TPRG1: variants seen among roughly 807,000 people sequenced by gnomAD.
TPRG1 encodes the protein tumor protein p63 regulated 1.
Under a neutral mutation model 29.3 loss-of-function variants are expected in TPRG1, and 29 were observed. That is an observed-to-expected ratio of 0.99 (90% CI 0.74 to 1.35). TPRG1 has a LOEUF of 1.35. Ranked by LOEUF, TPRG1 falls within the 40% of genes most tolerant of loss-of-function variation. TPRG1 has a pLI of 0.00. For synonymous variants in TPRG1, 130 were observed against 116.8 expected, an observed-to-expected ratio of 1.11 and a Z score of -0.73; for missense variants, 327 against 335.0, an observed-to-expected ratio of 0.98 and a Z score of 0.19.
chr3:189,099,782 C>T (rs1044454366), upstream of TPRG1, among the ~76,000 whole-genome samples: 2 of 152,176 alleles, frequency 1.3e-5, no homozygotes, highest in Non-Finnish European at 2.9e-5. Flanking sequence ...CCCGGGAAAA[C>T]GATACTGTCC....
intron 3 of TPRG1, among the ~76,000 whole-genome samples, chr3:189,140,830 C>T (rs745423985): frequency 6.6e-6 from 1 of 152,060 alleles, no homozygotes; most frequent in Non-Finnish European, 1.5e-5. Context: ...GTTTTGCATC[C>T]CCTTCCTAGG....
intron 4 of TPRG1, among the ~76,000 whole-genome samples, chr3:189,056,546 C>T (rs75315604): frequency 0.03 from 4,619 of 152,288 alleles, 98 homozygotes; most frequent in Non-Finnish European, 0.048. Context: ...TCAAAGTAAT[C>T]AATCTCTCCA....
intron 5 of TPRG1, among the ~76,000 whole-genome samples, chr3:189,158,463 G>A (rs753952070): frequency 5.9e-5 from 9 of 151,910 alleles, no homozygotes; most frequent in Non-Finnish European, 1.2e-4. Flanking sequence ...ACAAAAATTC[G>A]CCAGGCGTGG....
intron 1 of TPRG1, among the ~76,000 whole-genome samples, chr3:189,192,265 G>A (rs1731809110): frequency 6.6e-6 from 1 of 152,202 alleles, no homozygotes; most frequent in Non-Finnish European, 1.5e-5. Flanking sequence ...TGAAGAGAGA[G>A]ACTCTCTTAG....
At chr3:189,022,684 T>C (rs540652047) in intron 3 of TPRG1, among the ~76,000 whole-genome samples, 2 of 152,348 alleles carry the variant, frequency 1.3e-5, no homozygotes, top group African/African-American at 4.8e-5. Flanking sequence ...GCTGTCTTTT[T>C]GTCTATGCCC....
intron 4 of TPRG1, among the ~76,000 whole-genome samples, chr3:189,303,262 T>C (rs768511458): frequency 1.8e-4 from 27 of 152,190 alleles, no homozygotes; most frequent in Non-Finnish European, 3.8e-4. Flanking sequence ...ATTTTTAATA[T>C]AAGAAAATAA....
intron 1 of TPRG1, among the ~76,000 whole-genome samples, chr3:189,182,523 A>G (rs1246002857): frequency 6.6e-6 from 1 of 152,214 alleles, no homozygotes; most frequent in Admixed American, 6.5e-5. Flanking sequence ...TTAAATTGGT[A>G]TAACATTAGA....
At chr3:189,229,875 A>G (rs954925590) in intron 3 of TPRG1, among the ~76,000 whole-genome samples, 1 of 152,192 alleles carries the variant, frequency 6.6e-6, no homozygotes, top group African/African-American at 2.4e-5. Flanking sequence ...GCTGTAACGA[A>G]CATACTACAG....
In TPRG1 at chr3:189,179,260, A is replaced by G. The variant is rs2108687933; in HGVS notation, c.-10+7129A>G. On this transcript the variant is annotated intron_variant, in intron 1 of 5. Coordinates refer to ENST00000345063, the MANE Select transcript of TPRG1 (RefSeq NM_198485.4). ...ATTCTACCTGGTTCTCAAATGGGAC[A>G]TTGCTACTCTTTATAAGCAGGCATG... is the stretch of plus-strand genomic sequence containing the variant. Among the ~76,000 whole-genome samples the G allele has an allele frequency of 2.6e-5, 4 of 152,318 alleles. No individual in the cohort carries two copies. The Middle Eastern group carries it at 0.01, about 389-fold the overall frequency.
chr3:189,320,776 A>C lies in TPRG1; in HGVS notation c.784A>C (p.Asn262His). The change falls in exon 6 of 6, where the codon AAC (asparagine) becomes CAC (histidine). Residue 262 changes from asparagine (N) to histidine (H), a missense_variant. Physicochemically the swap from Asn to His is moderately conservative, Grantham distance 68. Transcript: ENST00000345063. ...GCTGATGTCATTCATTGGAAACCGCAACAAACTTGGCTATTCCCTTGCCCG... is the reference window on the plus strand; with the variant it reads ...GCTGATGTCATTCATTGGAAACCGCCACAAACTTGGCTATTCCCTTGCCCG... ...TGLMSFIGNR[N>H]KLGYSLARGS... 6.2e-7 allele frequency: 1 copy of C among 1,609,956 alleles called. No homozygotes were observed. The highest frequency in any genetic ancestry group is 8.5e-7 in the Non-Finnish European group (1 of 1,178,098).
rs558109265 is a variant in TPRG1, at chr3:189,232,369, C to G, written c.303-6364C>G. Among the ~76,000 whole-genome samples the G allele has an allele frequency of 5.9e-5, 9 of 152,224 alleles. No individual in the cohort carries two copies. The South Asian group carries it at 1.9e-3, about 32-fold the overall frequency. On this transcript the variant is annotated intron_variant, in intron 3 of 5. Coordinates refer to ENST00000345063, the MANE Select transcript of TPRG1 (RefSeq NM_198485.4). ...TGCTTTTCCAACCTTGAGATTTTTA[C>G]CAAACAGCAGGAAATGAAGGGTTGA...
intron 4 of TPRG1, among the ~76,000 whole-genome samples, chr3:189,047,451 C>G (rs1715050311): frequency 1.3e-5 from 2 of 152,110 alleles, no homozygotes; most frequent in African/African-American, 4.8e-5. Flanking sequence ...GGTGGAGGGT[C>G]TTGTCTGTAT....
intron 3 of TPRG1, 174 bp from the exon 4 acceptor site, chr3:189,238,559 T>C (rs1052272274): frequency 2.0e-5 from 9 of 453,482 alleles, no homozygotes; most frequent in African/African-American, 1.8e-4. Flanking sequence ...CCTCCTTCTT[T>C]AGTCATGGGA....
intron 4 of TPRG1, among the ~76,000 whole-genome samples, chr3:189,063,205 A>ATCAACATTT: frequency 6.6e-6 from 1 of 152,262 alleles, no homozygotes; most frequent in East Asian, 1.9e-4. Context: ...TACTAGGAAG[A>ATCAACATTT]GGTAGTAATT....
chr3:189,074,306 C>A (rs895072078), intron 4 of TPRG1, among the ~76,000 whole-genome samples: 3 of 149,254 alleles, frequency 2.0e-5, no homozygotes, highest in Non-Finnish European at 3.0e-5. Flanking sequence ...CCAGGTTTCG[C>A]GCCATTTTCC....
At chr3:189,142,761 A>T (rs1724740726) in intron 3 of TPRG1, among the ~76,000 whole-genome samples, 1 of 152,194 alleles carries the variant, frequency 6.6e-6, no homozygotes, top group Admixed American at 6.5e-5. Context: ...GCCATCTCTT[A>T]CTGAGATCAC....
chr3:189,108,156 T>A (rs962656017), intron 1 of TPRG1, among the ~76,000 whole-genome samples: 24 of 152,288 alleles, frequency 1.6e-4, no homozygotes, highest in Admixed American at 1.3e-3. Context: ...AATATGGGGC[T>A]TTATTTATAT....
At chr3:189,304,002 T>C (rs1191335334) in intron 4 of TPRG1, among the ~76,000 whole-genome samples, 1 of 152,228 alleles carries the variant, frequency 6.6e-6, no homozygotes, top group Non-Finnish European at 1.5e-5. Flanking sequence ...CTCAAGTCTT[T>C]TCTTCTGCAG....
chr3:189,019,093 CTT>C (rs1713132313), intron 3 of TPRG1, among the ~76,000 whole-genome samples: 1 of 151,660 alleles, frequency 6.6e-6, no homozygotes, highest in Admixed American at 6.6e-5. Context: ...TATCCTGAGA[CTT>C]TGCTGAAGTT....
Sources: allele counts gnomAD v4.1 joint callset (sites outside exome capture counted in the v4.1 genomes callset), GRCh38; gene constraint gnomAD v4.1.1; transcripts MANE v1.5; gene names NCBI Gene and HGNC (gene_info 2026-07-23, HGNC 2026-07-21).